The following ERC1 variants were observed in gnomAD, a reference collection of about 807,000 sequenced individuals.
ERC1 encodes ELKS/RAB6-interacting/CAST family member 1.
A neutral mutation model predicts 132.0 loss-of-function variants in ERC1; 56 were observed. The observed-to-expected ratio is 0.42, with a 90% confidence interval of 0.34 to 0.53. ERC1 has a LOEUF of 0.53. ERC1 is among the 20% of genes least tolerant of loss of function. The probability of loss-of-function intolerance (pLI) is 0.03; values close to 1 mark genes in which losing one functional copy is unlikely to be tolerated. For missense variants in ERC1, 1,202 were observed against 1,349.9 expected, an observed-to-expected ratio of 0.89 and a Z score of 1.72; for synonymous variants, 478 against 476.1, an observed-to-expected ratio of 1.00 and a Z score of -0.05.
chr12:1,321,813 G>A (rs974033030), intron 15 of ERC1, among the ~76,000 whole-genome samples: 1 of 152,066 alleles, frequency 6.6e-6, no homozygotes, highest in Non-Finnish European at 1.5e-5. Context: ...ATCTCCTTTT[G>A]TGCTAATAAA....
intron 15 of ERC1, among the ~76,000 whole-genome samples, chr12:1,358,197 T>C (rs1022948794): frequency 4.2e-5 from 6 of 142,910 alleles, no homozygotes; most frequent in African/African-American, 1.6e-4. Context: ...CCGGACAACA[T>C]AGCAAGGCCT....
At chr12:1,300,997 T>G (rs1340623141) in intron 15 of ERC1, among the ~76,000 whole-genome samples, 2 of 151,384 alleles carry the variant, frequency 1.3e-5, no homozygotes, top group East Asian at 3.9e-4. Flanking sequence ...CATCATGAAA[T>G]ATTACTCAGC....
chr12:1,363,063 C>T (rs2086283900), intron 15 of ERC1, among the ~76,000 whole-genome samples: 1 of 152,176 alleles, frequency 6.6e-6, no homozygotes, highest in African/African-American at 2.4e-5. Flanking sequence ...TTTCCAGGAG[C>T]TTCTGTCTGC....
intron 15 of ERC1, among the ~76,000 whole-genome samples, chr12:1,317,123 T>G (rs574942200): frequency 1.3e-5 from 2 of 149,250 alleles, no homozygotes; most frequent in East Asian, 3.9e-4. Context: ...GTCATGCCAT[T>G]GCACTCCACC....
In ERC1 at chr12:1,183,305, C is replaced by T. The variant is rs573356138; in HGVS notation, c.2041C>T (p.His681Tyr). ...KEASLLDLKE[H>Y]ASSLASSGLK... ...GGCTTCACTTTTGGATCTGAAAGAG[C>T]ATGCTTCTTCTCTGGCATCCTCAGG... is the stretch of plus-strand genomic sequence containing the variant. The change falls in exon 11 of 19, where the codon CAT (histidine) becomes TAT (tyrosine). Residue 681 changes from histidine (H) to tyrosine (Y), a missense_variant. Coordinates refer to ENST00000360905, the MANE Select transcript of ERC1 (RefSeq NM_178040.4). The T allele has an allele frequency of 1.3e-6, 2 of 1,570,484 alleles. No homozygotes were observed. Among genetic ancestry groups the T allele is most frequent in the African/African-American group, 2.7e-5 (2 of 74,554 alleles).
intron 17 of ERC1, among the ~76,000 whole-genome samples, chr12:1,433,095 C>A (rs2092845115): frequency 6.6e-6 from 1 of 152,120 alleles, no homozygotes; most frequent in African/African-American, 2.4e-5. Context: ...GCTGTGATGC[C>A]ACAGCAGCCG....
intron 2 of ERC1, among the ~76,000 whole-genome samples, chr12:1,033,176 A>G (rs1171808917): frequency 6.6e-6 from 1 of 151,790 alleles, no homozygotes; most frequent in Non-Finnish European, 1.5e-5. Flanking sequence ...AGCTGGGACT[A>G]CAGGCGCCTG....
chr12:1,180,320 CT>C (rs1324863818), intron 8 of ERC1, among the ~76,000 whole-genome samples: 9 of 150,854 alleles, frequency 6.0e-5, no homozygotes, highest in East Asian at 3.9e-4. Context: ...CACATGTGTA[CT>C]TTTTTTTGTT....
chr12:1,234,454 G>A (rs1289330039), intron 12 of ERC1, among the ~76,000 whole-genome samples: 1 of 152,238 alleles, frequency 6.6e-6, no homozygotes, highest in Admixed American at 6.5e-5. Context: ...TCTGTAGTAT[G>A]TTAATGAATT....
At chr12:1,160,451 C>T (rs1175417792) in intron 8 of ERC1, among the ~76,000 whole-genome samples, 1 of 152,070 alleles carries the variant, frequency 6.6e-6, no homozygotes, top group Non-Finnish European at 1.5e-5. Context: ...AATCTAAGAT[C>T]AAGGTGAGCA....
chr12:1,183,200 C>G (rs1954674373), intron 10 of ERC1, 81 bp from the exon 11 acceptor site: 1 of 899,762 alleles, frequency 1.1e-6, no homozygotes, highest in African/African-American at 1.7e-5. Context: ...AAGGAAATTA[C>G]AGCTACCATG....
chr12:1,433,482 A>G (rs772815534), intron 17 of ERC1, among the ~76,000 whole-genome samples: 2 of 152,236 alleles, frequency 1.3e-5, no homozygotes, highest in Non-Finnish European at 2.9e-5. Flanking sequence ...AAACCTTCAC[A>G]TACATAGAAT....
intron 15 of ERC1, among the ~76,000 whole-genome samples, chr12:1,362,239 T>A (rs2086197999): frequency 6.6e-6 from 1 of 152,194 alleles, no homozygotes; most frequent in South Asian, 2.1e-4. Context: ...GAAGCTGTGG[T>A]TGTGTATTTT....
chr12:1,379,444 G>T (rs992393837), intron 16 of ERC1, among the ~76,000 whole-genome samples: 3 of 152,208 alleles, frequency 2.0e-5, no homozygotes, highest in African/African-American at 4.8e-5. Context: ...GTTTGCACTA[G>T]TCTCTCCTCA....
chr12:1,435,588 C>G (rs1263239349), intron 17 of ERC1, among the ~76,000 whole-genome samples: 1 of 152,126 alleles, frequency 6.6e-6, no homozygotes, highest in Non-Finnish European at 1.5e-5. Flanking sequence ...CTTGGTGATA[C>G]AAAGTTCTTG....
At chr12:1,284,387 C>A (rs550074171) in intron 14 of ERC1, among the ~76,000 whole-genome samples, 1 of 150,998 alleles carries the variant, frequency 6.6e-6, no homozygotes, top group East Asian at 2.0e-4. Flanking sequence ...GTGAACAGTG[C>A]CACAGTAAAC....
chr12:1,274,484 A>ATTTTATTTTAT (rs57502925), intron 14 of ERC1, among the ~76,000 whole-genome samples: 2 of 147,846 alleles, frequency 1.4e-5, no homozygotes, highest in African/African-American at 5.2e-5. Context: ...ATTTTATTTT[A>ATTTTATTTTAT]TTTATTTATT....
At chr12:1,284,924 C>G (rs2078945709) in intron 14 of ERC1, among the ~76,000 whole-genome samples, 1 of 152,188 alleles carries the variant, frequency 6.6e-6, no homozygotes, top group African/African-American at 2.4e-5. Context: ...GCCACCACTC[C>G]CAGCTTCACT....
chr12:1,409,409 C>A (rs2091710246), intron 17 of ERC1, among the ~76,000 whole-genome samples: 1 of 152,060 alleles, frequency 6.6e-6, no homozygotes, highest in South Asian at 2.1e-4. Context: ...GATAATAGAA[C>A]TGGATGCCTG....
Sources: gnomAD v4.1 joint callset for allele counts (sites outside exome capture counted in the v4.1 genomes callset) on GRCh38, gnomAD v4.1.1 for gene constraint, MANE v1.5 for transcripts, NCBI Gene and HGNC (gene_info 2026-07-23, HGNC 2026-07-21) for gene names.